Variants in ARHGAP30 observed in about 807,000 individuals in gnomAD.
ARHGAP30 encodes the protein rho GTPase-activating protein 30.
Under a neutral mutation model 72.0 loss-of-function variants are expected in ARHGAP30, and 23 were observed. The observed-to-expected ratio is 0.32, with a 90% CI of 0.23 to 0.45. The LOEUF (loss-of-function observed/expected upper bound fraction) is 0.45, where lower values mean the gene tolerates loss of function less well. ARHGAP30 is among the 20% of genes least tolerant of loss of function. ARHGAP30 has a pLI of 1.00. For synonymous variants in ARHGAP30, 576 were observed against 528.2 expected (o/e 1.09, Z -1.24); for missense variants, 1,319 against 1,383.4 (o/e 0.95, Z 0.74).
At chr1:161,054,100 A>C (rs942565939) in intron 5 of ARHGAP30, among the ~76,000 whole-genome samples, 1 of 152,154 alleles carries the variant, frequency 6.6e-6, no homozygotes, top group South Asian at 2.1e-4. Flanking sequence ...TGGAACTGTT[A>C]TGTTCCAGTC....
intron 1 of ARHGAP30, among the ~76,000 whole-genome samples, chr1:161,067,822 C>T (rs1652878612): frequency 2.0e-5 from 3 of 152,146 alleles, no homozygotes. Context: ...GAGGAACCAT[C>T]ACCAGCCTCT....
chr1:161,066,677 C>G (rs983845778), intron 1 of ARHGAP30, among the ~76,000 whole-genome samples: 1 of 136,716 alleles, frequency 7.3e-6, no homozygotes, highest in Non-Finnish European at 1.5e-5. Flanking sequence ...AAAAAAGGCA[C>G]CTAGGGCAAT....
chr1:161,052,364 CTG>C lies in ARHGAP30; in HGVS notation c.941-3_941-2del. 4 of 1,614,084 alleles carry C rather than the reference CTG, an allele frequency of 2.5e-6. No individual in the cohort carries two copies. Among genetic ancestry groups the C allele is most frequent in the Non-Finnish European group, 3.4e-6 (4 of 1,180,020 alleles). On this transcript the variant is annotated splice_acceptor_variant and splice_polypyrimidine_tract_variant and intron_variant, in intron 8 of 11. Coordinates refer to ENST00000368013, the MANE Select transcript of ARHGAP30 (RefSeq NM_001025598.2). LOFTEE classifies it high-confidence loss of function. Reference sequence around the variant, plus strand: ...AGTGTCCCCTTGTTGGATTTATCCTCTGTAAGACAGGGATGTGTGTAGAGCCA... The same window carrying C: ...AGTGTCCCCTTGTTGGATTTATCCTCTAAGACAGGGATGTGTGTAGAGCCA...
chr1:161,049,165 A>G lies in ARHGAP30; in HGVS notation c.1856T>C (p.Leu619Pro), dbSNP rs146914272. The G allele has an allele frequency of 1.5e-4, 245 of 1,614,014 alleles. 1 individual carries two copies. The highest frequency in any genetic ancestry group is 6.7e-5 in the Admixed American group (4 of 59,996). The change falls in exon 12 of 12, where the codon CTT (leucine) becomes CCT (proline). Residue 619 changes from leucine to proline, a missense_variant. Physicochemically the swap from Leu to Pro is moderately conservative, Grantham distance 98 (BLOSUM62 -3). This residue lies in a region of ARHGAP30 where 1,097 missense variants were observed against 1,045.2 expected (regional missense o/e 1.05). Coordinates refer to ENST00000368013, the MANE Select transcript of ARHGAP30 (RefSeq NM_001025598.2). ...CCAGATTGGGGGTTTAGGTCCCAGA[A>G]GGGGACTTAGGTCATCATAGGCACT... ...FLSAYDDLSP[L>P]LGPKPPIWKG...
intron 6 of ARHGAP30, 184 bp downstream of exon 6, chr1:161,053,074 G>T: frequency 1.0e-6 from 1 of 971,478 alleles, no homozygotes; most frequent in Non-Finnish European, 1.5e-6. Context: ...CCATGCCCTA[G>T]ACTGACAGCA....
At position 161,049,305 on chromosome 1, in the gene ARHGAP30, CA is replaced by C. The variant is rs1651169310; in HGVS notation, c.1715del (p.Leu572ArgfsTer39). ...GTGCCTCATCCAGAGACAGGTCATC[CA>C]GGGGTGGCTCCACAGAGAACTCCTC... ...QVEEFSVEPP[L>X]DDLSLDEAQF... On this transcript the variant is annotated frameshift_variant, in exon 12 of 12. Transcript: ENST00000368013. LOFTEE classifies it low-confidence loss of function (END_TRUNC). The C allele has an allele frequency of 6.2e-7, 1 of 1,613,694 alleles. No homozygotes were observed. The highest frequency in any genetic ancestry group is 1.3e-5 in the African/African-American group (1 of 74,910).
rs755222428 is a variant in ARHGAP30 at position 161,048,776 on chromosome 1, C to CT, written c.2244dup (p.Glu749ArgfsTer3). ...TGTTCATCCTCTTCTCTCTCAATTTCTTTTTCCTTCTCATCTGTATACTCA... is the reference window on the plus strand; with the variant it reads ...TGTTCATCCTCTTCTCTCTCAATTTCTTTTTTCCTTCTCATCTGTATACTCA... On this transcript the variant is annotated frameshift_variant, in exon 12 of 12. Coordinates refer to ENST00000368013, the MANE Select transcript of ARHGAP30 (RefSeq NM_001025598.2). LOFTEE classifies it low-confidence loss of function (END_TRUNC). 2.5e-6 allele frequency: 4 copies of CT among 1,614,008 alleles called. No homozygotes were observed. The highest frequency in any genetic ancestry group is 3.4e-6 in the Non-Finnish European group (4 of 1,180,032).
At chr1:161,064,769 GAAAGAAAGAA>G (rs780091844) in intron 1 of ARHGAP30, among the ~76,000 whole-genome samples, 2,128 of 102,992 alleles carry the variant, frequency 0.021, 50 homozygotes, top group Middle Eastern at 0.029. Flanking sequence ...GAGAAAGAAA[GAAAGAAAGAA>G]AAAGAAAGAA....
intron 2 of ARHGAP30, among the ~76,000 whole-genome samples, chr1:161,058,838 G>A (rs917825802): frequency 7.5e-6 from 1 of 134,118 alleles, no homozygotes; most frequent in Admixed American, 7.9e-5. Flanking sequence ...TCCAGCCTGG[G>A]CAACAGAGTG....
chr1:161,048,597 A>T lies in ARHGAP30; in HGVS notation c.2424T>A (p.His808Gln), dbSNP rs765283466. The change falls in exon 12 of 12, where the codon CAT (histidine) becomes CAA (glutamine). Residue 808 changes from histidine (H) to glutamine (Q), a missense_variant. His to Gln is a conservative substitution (Grantham distance 24). Transcript: ENST00000368013. ...CATCTCCTTGGTCTTTTCTTGCTTCATGGTACCCCTTCTCCCTCTGTCCTT... is the reference window on the plus strand; with the variant it reads ...CATCTCCTTGGTCTTTTCTTGCTTCTTGGTACCCCTTCTCCCTCTGTCCTT... ...EDKGQREKGY[H>Q]EARKDQGDGE... is the part of the protein sequence containing the mutation. 6 of 1,613,476 alleles carry T rather than the reference A, an allele frequency of 3.7e-6. No homozygotes were observed. Among genetic ancestry groups the T allele is most frequent in the Non-Finnish European group, 5.1e-6 (6 of 1,179,898 alleles).
rs1163142692 is a variant in ARHGAP30 at position 161,048,862 on chromosome 1, G to A, written c.2159C>T (p.Ser720Phe). 2 of 1,613,768 alleles carry A rather than the reference G, an allele frequency of 1.2e-6. No homozygotes were observed. The highest frequency in any genetic ancestry group is 1.6e-4 in the Middle Eastern group (1 of 6,062). ...ACTGTCAGCCTTCTTCTGACCTTTGGACTTCTCTTCCTTGGCCTCTGTCTC... is the reference window on the plus strand; with the variant it reads ...ACTGTCAGCCTTCTTCTGACCTTTGAACTTCTCTTCCTTGGCCTCTGTCTC... The part of the protein sequence containing the change: ...REETEAKEEK[S>F]KGQKKADSME... The change falls in exon 12 of 12, where the codon TCC (serine) becomes TTC (phenylalanine). Residue 720 changes from serine (S) to phenylalanine (F), a missense_variant. Physicochemically the swap from Ser to Phe is radical, Grantham distance 155 (BLOSUM62 -2). Around this residue, in one of 2 missense-constraint regions of ARHGAP30, gnomAD observed 1,097 missense variants for 1,045.2 expected, o/e 1.05. Transcript: ENST00000368013.
At chr1:161,068,939 AG>A (rs1184017661) in intron 1 of ARHGAP30, among the ~76,000 whole-genome samples, 1 of 152,042 alleles carries the variant, frequency 6.6e-6, no homozygotes, top group African/African-American at 2.4e-5. Flanking sequence ...TCTTTTGCAC[AG>A]GGACAACAAG....
At chr1:161,052,163 T>C in intron 9 of ARHGAP30, 123 bp downstream of exon 9, 2 of 1,020,874 alleles carry the variant, frequency 2.0e-6, no homozygotes, top group Admixed American at 1.9e-5. Context: ...GTGGCTGGTA[T>C]ATAATAGGCA....
In ARHGAP30 at chr1:161,069,687, C is replaced by A. The variant is rs1350568188; in HGVS notation, c.-63G>T. ...CCCCCAAGACCTGTGCCCTACCAGT[C>A]CCCCATGGGATCCCAGCCAGCTGCT... On this transcript the variant is annotated 5_prime_UTR_variant, in exon 1 of 12. Transcript: ENST00000368013. The surrounding 1 kb of genome is among the most constrained non-coding windows in gnomAD (Gnocchi z 4.9). 8 of 1,542,518 alleles carry A rather than the reference C, an allele frequency of 5.2e-6. No homozygotes were observed. The highest frequency in any genetic ancestry group is 1.1e-5 in the South Asian group (1 of 89,818).
At chr1:161,057,764 C>T (rs1651985911) in intron 2 of ARHGAP30, among the ~76,000 whole-genome samples, 1 of 152,228 alleles carries the variant, frequency 6.6e-6, no homozygotes, top group African/African-American at 2.4e-5. Flanking sequence ...CCTGTAATCC[C>T]AACACGTTGG....
chr1:161,062,338 C>A (rs1346712895), intron 1 of ARHGAP30, among the ~76,000 whole-genome samples: 1 of 152,156 alleles, frequency 6.6e-6, no homozygotes, highest in East Asian at 1.9e-4. Context: ...AATTCCTTGA[C>A]AAATCCTATG....
chr1:161,061,138 T>C (rs1480721619), intron 1 of ARHGAP30, among the ~76,000 whole-genome samples: 1 of 151,994 alleles, frequency 6.6e-6, no homozygotes, highest in African/African-American at 2.4e-5. Context: ...CTCATGGCTA[T>C]TAGTTCTTTG....
chr1:161,069,857 T>G lies in ARHGAP30; in HGVS notation c.-233A>C. On this transcript the variant is annotated 5_prime_UTR_variant, in exon 1 of 12. Coordinates refer to ENST00000368013, the MANE Select transcript of ARHGAP30 (RefSeq NM_001025598.2). This position sits in a 1 kb window ranked among gnomAD's most constrained non-coding sequence, Gnocchi z 4.9. The stretch of plus-strand genomic sequence containing the variant: ...AAGCTACCAGGACCCTGGCAAGAAA[T>G]TGTGTCCTGTGTCTCGTGGCCCAGC... The G allele has an allele frequency of 1.8e-6, 1 of 568,000 alleles. No individual in the cohort carries two copies. Among genetic ancestry groups the G allele is most frequent in the Non-Finnish European group, 3.2e-6 (1 of 315,692 alleles). The allele number at this position is 568,000 out of a possible 1,614,324, so 35.2% of individuals were successfully genotyped here. A position where few individuals can be genotyped will look rare whatever the true frequency, so the allele number is the denominator to read the frequency against.
In ARHGAP30 at chr1:161,047,714, A is replaced by G; in HGVS notation, c.*1T>C. The G allele has an allele frequency of 6.6e-7, 1 of 1,515,700 alleles. No homozygotes were observed. Among genetic ancestry groups the G allele is most frequent in the African/African-American group, 1.4e-5 (1 of 71,776 alleles). The allele number at this position is 1,515,700 out of a possible 1,614,324, so 93.9% of individuals were successfully genotyped here. On this transcript the variant is annotated 3_prime_UTR_variant, in exon 12 of 12. Coordinates refer to ENST00000368013, the MANE Select transcript of ARHGAP30 (RefSeq NM_001025598.2). ...CCCTTTGCCCAGGGCTGTGGTCCTA[A>G]TCACAGTCCTTCACCTTTCCCAGGG...
Sources: allele counts gnomAD v4.1 joint callset (sites outside exome capture counted in the v4.1 genomes callset), GRCh38; gene constraint gnomAD v4.1.1; regional missense constraint gnomAD v4.1.1; non-coding constraint Gnocchi (gnomAD v3.1); transcripts MANE v1.5; gene names NCBI Gene and HGNC (gene_info 2026-07-23, HGNC 2026-07-21).